Variants in CDH2 observed in about 807,000 individuals in gnomAD.
CDH2 encodes cadherin 2, also known as cadherin-2.
CDH2 carries 17 observed loss-of-function variants against 92.0 expected under a neutral mutation model. That is an observed-to-expected ratio of 0.18 (90% confidence interval 0.13 to 0.28). The LOEUF (loss-of-function observed/expected upper bound fraction) is 0.28, where lower values mean the gene tolerates loss of function less well. Among genes scored for constraint, CDH2 ranks in the 10% least tolerant of loss-of-function variants. The probability of loss-of-function intolerance (pLI) is 1.00; values close to 1 mark genes in which losing one functional copy is unlikely to be tolerated. For missense variants in CDH2, 862 were observed against 1,133.1 expected, an observed-to-expected ratio of 0.76 and a Z score of 3.44; for synonymous variants, 419 against 415.9, an observed-to-expected ratio of 1.01 and a Z score of -0.09.
chr18:28,090,156 A>T (rs1035858536), intron 2 of CDH2, among the ~76,000 whole-genome samples: 1 of 152,164 alleles, frequency 6.6e-6, no homozygotes, highest in Non-Finnish European at 1.5e-5. Flanking sequence ...ATACACAAAC[A>T]CAGAGCTATG....
intron 1 of CDH2, among the ~76,000 whole-genome samples, chr18:28,150,145 C>T (rs1407968328): frequency 1.3e-5 from 2 of 152,212 alleles, no homozygotes; most frequent in East Asian, 1.9e-4. Context: ...CAACATGTTA[C>T]GAGTCTGCCT....
chr18:28,094,483 G>C (rs1166004400), intron 2 of CDH2, among the ~76,000 whole-genome samples: 1 of 151,396 alleles, frequency 6.6e-6, no homozygotes, highest in East Asian at 1.9e-4. Flanking sequence ...GTTAGACTCT[G>C]TCCTTAAAAA....
chr18:27,948,607 ACT>A (rs1015789683), downstream of CDH2, among the ~76,000 whole-genome samples: 56 of 151,342 alleles, frequency 3.7e-4, no homozygotes, highest in African/African-American at 1.3e-3. Flanking sequence ...AACACAAATA[ACT>A]CAACAGGGAA....
intron 2 of CDH2, among the ~76,000 whole-genome samples, chr18:28,064,568 T>C (rs929122695): frequency 6.6e-6 from 1 of 151,080 alleles, no homozygotes; most frequent in Non-Finnish European, 1.5e-5. Flanking sequence ...ATAAAATAGG[T>C]ATAGAGACTA....
intron 2 of CDH2, among the ~76,000 whole-genome samples, chr18:28,041,800 T>C (rs932418662): frequency 6.6e-6 from 1 of 152,202 alleles, no homozygotes; most frequent in Non-Finnish European, 1.5e-5. Context: ...TATTTTCTTG[T>C]ACCTTATAAA....
intron 1 of CDH2, among the ~76,000 whole-genome samples, chr18:28,154,501 C>G (rs1239165716): frequency 6.6e-6 from 1 of 152,230 alleles, no homozygotes; most frequent in Non-Finnish European, 1.5e-5. Context: ...CTAGAGAGGA[C>G]AGAAGTGTAA....
intron 11 of CDH2, among the ~76,000 whole-genome samples, chr18:27,987,522 T>C (rs1482248147): frequency 1.3e-5 from 2 of 152,298 alleles, no homozygotes; most frequent in East Asian, 1.9e-4. Flanking sequence ...AATTTGAAAA[T>C]TGCAAACACC....
chr18:28,112,598 G>C (rs906519817), intron 2 of CDH2, among the ~76,000 whole-genome samples: 1 of 152,166 alleles, frequency 6.6e-6, no homozygotes, highest in Non-Finnish European at 1.5e-5. Flanking sequence ...TAGTTCTCAT[G>C]ATCATCTTTT....
intron 14 of CDH2, among the ~76,000 whole-genome samples, chr18:27,980,454 C>T (rs897961725): frequency 2.0e-5 from 3 of 152,102 alleles, no homozygotes; most frequent in Non-Finnish European, 4.4e-5. Context: ...ATTTCATGAA[C>T]CAGTTTAGAG....
chr18:28,169,414 G>A (rs993902761), intron 1 of CDH2, among the ~76,000 whole-genome samples: 3 of 152,122 alleles, frequency 2.0e-5, no homozygotes, highest in Non-Finnish European at 4.4e-5. Context: ...AGGGAGAAAA[G>A]AGTCATTTTA....
intron 6 of CDH2, among the ~76,000 whole-genome samples, chr18:27,940,098 G>T (rs1239250990): frequency 6.6e-6 from 1 of 152,072 alleles, no homozygotes; most frequent in South Asian, 2.1e-4. Context: ...ACCTAATCTG[G>T]CTTCTTTCCC....
chr18:28,013,802 G>A lies in CDH2; in HGVS notation c.280C>T (p.Pro94Ser). Residue 94 changes from proline (P) to serine (S), a missense_variant, in exon 3 of 16, where the codon CCA (proline) becomes TCA (serine). Around this residue, in one of 5 missense-constraint regions of CDH2, gnomAD observed 159 missense variants for 177.2 expected, o/e 0.90. Coordinates refer to ENST00000269141, the MANE Select transcript of CDH2 (RefSeq NM_001792.5). ...DGMVYAVRSFPLSSEHAKFLI... is the reference protein window; with the variant it reads ...DGMVYAVRSFSLSSEHAKFLI... ...AACTTGGCATGCTCAGAAGAGAGTG[G>A]AAAGCTTCTCACGGCATACACCATG... 1 of 1,613,982 alleles carries A rather than the reference G, an allele frequency of 6.2e-7. No individual in the cohort carries two copies. Among genetic ancestry groups the A allele is most frequent in the Non-Finnish European group, 8.5e-7 (1 of 1,179,934 alleles).
chr18:27,990,928 A>G (rs1181521578), intron 9 of CDH2, among the ~76,000 whole-genome samples: 1 of 152,218 alleles, frequency 6.6e-6, no homozygotes, highest in African/African-American at 2.4e-5. Flanking sequence ...TAAAAATAAT[A>G]CTGTTGGTAG....
chr18:28,036,617 T>G (rs2013836983), intron 2 of CDH2: 1 of 1,078,454 alleles, frequency 9.3e-7, no homozygotes. Flanking sequence ...TATGTCAGAA[T>G]GAAAGCAGGG....
At chr18:28,111,806 T>C (rs1352474651) in intron 2 of CDH2, among the ~76,000 whole-genome samples, 4 of 152,212 alleles carry the variant, frequency 2.6e-5, no homozygotes. Flanking sequence ...CTTTCAAGTT[T>C]TTTTTCTCAG....
chr18:28,166,949 T>C (rs1371655072), intron 1 of CDH2, among the ~76,000 whole-genome samples: 2 of 151,958 alleles, frequency 1.3e-5, no homozygotes, highest in East Asian at 1.9e-4. Flanking sequence ...AAAAAAGATA[T>C]ACAAATATAA....
rs1289321182 is a variant in CDH2 at position 28,015,674 on chromosome 18, G to A, written c.173-1765C>T. On this transcript the variant is annotated intron_variant, in intron 2 of 15. Transcript: ENST00000269141. ...TACATACTCTTCTGCACACTTTTTTGTTAACTGTGATCACTCTAGTATTAT... is the reference window on the plus strand; with the variant it reads ...TACATACTCTTCTGCACACTTTTTTATTAACTGTGATCACTCTAGTATTAT... 6.6e-5 allele frequency among the ~76,000 whole-genome samples: 10 copies of A among 152,080 alleles called. No individual in the cohort carries two copies. In the South Asian group the frequency reaches 1.5e-3, roughly 22 times the overall value.
chr18:28,164,687 C>A (rs1010261269), intron 1 of CDH2, among the ~76,000 whole-genome samples: 1 of 152,078 alleles, frequency 6.6e-6, no homozygotes, highest in African/African-American at 2.4e-5. Context: ...CACATACTCC[C>A]ACATGTGCAC....
intron 15 of CDH2, chr18:27,959,368 C>G (rs751206338): frequency 6.6e-6 from 1 of 152,216 alleles, no homozygotes; most frequent in Non-Finnish European, 1.5e-5. Flanking sequence ...TTCCTTACAT[C>G]TATAAAAGCA....
Sources: gnomAD v4.1 joint callset for allele counts (sites outside exome capture counted in the v4.1 genomes callset) on GRCh38, gnomAD v4.1.1 for gene constraint, gnomAD v4.1.1 regional missense constraint, MANE v1.5 for transcripts, NCBI Gene and HGNC (gene_info 2026-07-23, HGNC 2026-07-21) for gene names.